The following UMODL1 variants were observed in gnomAD, a reference collection of about 807,000 sequenced individuals.
UMODL1 encodes the protein uromodulin like 1.
A neutral mutation model predicts 136.3 loss-of-function variants in UMODL1; 128 were observed. The observed-to-expected ratio is 0.94, with a 90% CI of 0.81 to 1.09. The LOEUF is 1.09. UMODL1 is among the 50% of genes least tolerant of loss of function. The pLI is 0.00. For missense variants in UMODL1, 1,766 were observed against 1,725.6 expected (o/e 1.02, Z -0.41); for synonymous variants, 721 against 720.0 (o/e 1.00, Z -0.02).
intron 21 of UMODL1, among the ~76,000 whole-genome samples, chr21:42,136,332 C>T (rs1288431870): frequency 6.6e-6 from 1 of 152,198 alleles, no homozygotes; most frequent in African/African-American, 2.4e-5. Context: ...TTTTCCTCAC[C>T]CTAAATGCAA....
At chr21:42,088,885 C>T (rs896120674) in intron 5 of UMODL1, among the ~76,000 whole-genome samples, 6 of 152,250 alleles carry the variant, frequency 3.9e-5, no homozygotes, top group African/African-American at 7.2e-5. Context: ...ATTTCCCTCT[C>T]GCCTCTTTCC....
At chr21:42,115,346 A>G (rs1290914969) in intron 13 of UMODL1, among the ~76,000 whole-genome samples, 1 of 152,236 alleles carries the variant, frequency 6.6e-6, no homozygotes, top group Non-Finnish European at 1.5e-5. Flanking sequence ...GGGACTGCCC[A>G]TAGACCAGGG....
At chr21:42,075,980 C>A in intron 1 of UMODL1, 25 bp from the exon 2 acceptor site, 1 of 1,610,558 alleles carries the variant, frequency 6.2e-7, no homozygotes, top group Non-Finnish European at 8.5e-7. Flanking sequence ...TGTTCTCAGT[C>A]GCCTTCTTGC....
At chr21:42,127,385 C>A (rs950529882) in intron 19 of UMODL1, 143 bp downstream of exon 19, 42 of 858,812 alleles carry the variant, frequency 4.9e-5, no homozygotes, top group African/African-American at 2.0e-4. Context: ...AGTGCAGGCA[C>A]CCCTGTCCAG....
chr21:42,064,802 C>T (rs1026125454), intron 1 of UMODL1, among the ~76,000 whole-genome samples: 1 of 152,166 alleles, frequency 6.6e-6, no homozygotes, highest in Non-Finnish European at 1.5e-5. Flanking sequence ...GTGATCTGCC[C>T]GCCTCAGCCT....
chr21:42,132,473 T>C (rs1375163280), intron 21 of UMODL1, among the ~76,000 whole-genome samples: 1 of 151,792 alleles, frequency 6.6e-6, no homozygotes, highest in African/African-American at 2.4e-5. Flanking sequence ...CCATCATCCA[T>C]CTATCATCAT....
intron 6 of UMODL1, among the ~76,000 whole-genome samples, chr21:42,090,686 T>C (rs959631387): frequency 6.6e-6 from 1 of 152,252 alleles, no homozygotes; most frequent in African/African-American, 2.4e-5. Context: ...TGATTCTCAA[T>C]CACTGAAAAT....
chr21:42,077,367 G>A (rs191383790), intron 2 of UMODL1, among the ~76,000 whole-genome samples: 5 of 152,158 alleles, frequency 3.3e-5, no homozygotes, highest in African/African-American at 9.6e-5. Context: ...GCCGGCGACC[G>A]AGAGACGGCT....
chr21:42,132,989 C>T (rs983023773), intron 21 of UMODL1, among the ~76,000 whole-genome samples: 12 of 152,182 alleles, frequency 7.9e-5, no homozygotes, highest in African/African-American at 2.4e-4. Context: ...GCAGGAAGCA[C>T]GGAATGTAAT....
At chr21:42,105,068 C>G (rs1185623231) in intron 9 of UMODL1, among the ~76,000 whole-genome samples, 1 of 152,212 alleles carries the variant, frequency 6.6e-6, no homozygotes, top group Non-Finnish European at 1.5e-5. Flanking sequence ...CCTTCCCCCA[C>G]CAGGAGGTGC....
At chr21:42,069,816 T>C (rs1007609070), upstream of UMODL1, among the ~76,000 whole-genome samples, 1 of 152,212 alleles carries the variant, frequency 6.6e-6, no homozygotes, top group African/African-American at 2.4e-5. Context: ...AATGTTCAGA[T>C]TTACTTAAAT....
intron 7 of UMODL1, among the ~76,000 whole-genome samples, chr21:42,101,324 T>G (rs2146475294): frequency 6.6e-6 from 1 of 151,854 alleles, no homozygotes; most frequent in African/African-American, 2.4e-5. Flanking sequence ...CCACATGGAG[T>G]GCTCCTCCCT....
At chr21:42,074,162 C>T (rs1362647055) in intron 1 of UMODL1, among the ~76,000 whole-genome samples, 3 of 152,280 alleles carry the variant, frequency 2.0e-5, no homozygotes, top group East Asian at 3.9e-4. Flanking sequence ...TGGCTCCTCC[C>T]GAGCCCCTGC....
At chr21:42,112,921 A>G (rs2066855082) in intron 12 of UMODL1, 1 of 152,674 alleles carries the variant, frequency 6.5e-6, no homozygotes, top group Non-Finnish European at 1.5e-5. Flanking sequence ...TTTAGCCATC[A>G]CCAAACCCCC....
At chr21:42,093,309 C>G (rs2066514810) in intron 6 of UMODL1, 1 of 152,410 alleles carries the variant, frequency 6.6e-6, no homozygotes, top group African/African-American at 2.4e-5. Flanking sequence ...AGCTCCCAGG[C>G]TCCAATCTCA....
intron 1 of UMODL1, among the ~76,000 whole-genome samples, 198 bp downstream of exon 1, chr21:42,071,590 G>T (rs903587420): frequency 6.6e-6 from 1 of 152,144 alleles, no homozygotes; most frequent in Non-Finnish European, 1.5e-5. Flanking sequence ...GGAGTGCCGG[G>T]TAGGGTTTTG....
intron 6 of UMODL1, among the ~76,000 whole-genome samples, chr21:42,098,044 C>A (rs572432886): frequency 8.5e-5 from 13 of 152,204 alleles, no homozygotes; most frequent in Non-Finnish European, 1.5e-4. Flanking sequence ...AAGTGCTTGT[C>A]ATGAATCAGA....
Position 42,087,407 on chromosome 21 carries a change from TG to T in UMODL1, c.604-882del, listed in dbSNP as rs549488080. On this transcript the variant is annotated intron_variant, in intron 4 of 22. Coordinates refer to ENST00000408910, the MANE Select transcript of UMODL1 (RefSeq NM_001004416.3). ...TCCTTTGGAGTTCCCAGTGGAGGCT[TG>T]GGGGTTTGCTGGCAAAGTTTGTTCT... 1.1e-3 allele frequency among the ~76,000 whole-genome samples: 174 copies of T among 152,280 alleles called. 1 individual carries two copies. The highest frequency in any genetic ancestry group is 0.01 in the Middle Eastern group (3 of 294).
chr21:42,125,466 G>C (rs946392113), intron 17 of UMODL1, among the ~76,000 whole-genome samples: 1 of 152,186 alleles, frequency 6.6e-6, no homozygotes, highest in Non-Finnish European at 1.5e-5. Flanking sequence ...GGGCTCTTCA[G>C]ATCCTCCCTG....
Sources: allele counts gnomAD v4.1 joint callset (sites outside exome capture counted in the v4.1 genomes callset), GRCh38; gene constraint gnomAD v4.1.1; transcripts MANE v1.5; gene names NCBI Gene and HGNC (gene_info 2026-07-23, HGNC 2026-07-21).